Variants in COL4A2 observed in about 807,000 individuals in gnomAD.
The protein encoded by COL4A2 is collagen alpha-2(IV) chain.
Under a neutral mutation model 200.2 loss-of-function variants are expected in COL4A2, and 99 were observed. The ratio of observed to expected loss-of-function variants is 0.49; its 90% CI spans 0.42 to 0.58. The LOEUF is 0.58. Among genes scored for constraint, COL4A2 ranks in the 20% least tolerant of loss-of-function variants. The pLI is 0.00. For synonymous variants in COL4A2, 897 were observed against 900.6 expected (o/e 1.00, Z 0.07); for missense variants, 1,950 against 2,314.1 (o/e 0.84, Z 3.23).
chr13:110,466,992 C>T (rs770608161), intron 26 of COL4A2, 48 bp from the exon 27 acceptor site: 1 of 1,612,710 alleles, frequency 6.2e-7, no homozygotes, highest in East Asian at 2.2e-5. Context: ...CCGTGGGACT[C>T]AGTGTTTAGG....
chr13:110,355,948 C>T (rs555758799), intron 3 of COL4A2, among the ~76,000 whole-genome samples: 8 of 152,154 alleles, frequency 5.3e-5, no homozygotes, highest in Admixed American at 4.6e-4. Context: ...GAAGGTTGTA[C>T]TAGCTTACCT....
intron 3 of COL4A2, among the ~76,000 whole-genome samples, chr13:110,346,008 C>T (rs940532980): frequency 1.3e-5 from 2 of 152,122 alleles, no homozygotes; most frequent in Non-Finnish European, 2.9e-5. Flanking sequence ...CACCCAGCTC[C>T]GGGGCGCTGC....
chr13:110,419,340 A>G (rs1566522690), intron 4 of COL4A2, among the ~76,000 whole-genome samples: 1 of 152,228 alleles, frequency 6.6e-6, no homozygotes. Flanking sequence ...TAGTGAAGCC[A>G]GTTTTATCCT....
At chr13:110,409,289 G>C (rs148542847) in intron 4 of COL4A2, among the ~76,000 whole-genome samples, 1 of 152,290 alleles carries the variant, frequency 6.6e-6, no homozygotes, top group African/African-American at 2.4e-5. Context: ...ATATTACGAA[G>C]CTGACCACCC....
chr13:110,437,976 T>G lies in COL4A2; in HGVS notation c.826-26T>G, dbSNP rs578108242. 6.4e-5 allele frequency: 102 copies of G among 1,595,774 alleles called. 1 individual carries two copies. In the South Asian group the frequency reaches 1.1e-3, roughly 17 times the overall value. ...ATTACCATCCTCAAATTAATAAGCG[T>G]TTCTTATTTTTCATATTCTTCACAG... On this transcript the variant is annotated intron_variant, in intron 13 of 47. Transcript: ENST00000360467.
intron 4 of COL4A2, among the ~76,000 whole-genome samples, chr13:110,390,735 A>G (rs1216264929): frequency 2.0e-5 from 3 of 152,062 alleles, no homozygotes; most frequent in African/African-American, 2.4e-5. Flanking sequence ...GGAATCCTAT[A>G]TGGCAGGGCT....
chr13:110,434,378 A>G, intron 11 of COL4A2, 23 bp from the exon 12 acceptor site: 2 of 1,604,382 alleles, frequency 1.2e-6, no homozygotes, highest in African/African-American at 1.3e-5. Flanking sequence ...TTTAAAACTT[A>G]CAGAAATTAT....
At chr13:110,458,673 A>C in intron 21 of COL4A2, 98 bp from the exon 22 acceptor site, 1 of 1,457,598 alleles carries the variant, frequency 6.9e-7, no homozygotes, top group Non-Finnish European at 9.4e-7. Context: ...ATAAAGCACC[A>C]AGTGTGCCAC....
rs1648304261 is a variant in COL4A2, at chr13:110,513,178, A to T, written c.*987A>T. 1.3e-5 allele frequency among the ~76,000 whole-genome samples: 2 copies of T among 152,052 alleles called. No individual in the cohort carries two copies. Among genetic ancestry groups the T allele is most frequent in the Admixed American group, 1.3e-4 (2 of 15,264 alleles). On this transcript the variant is annotated 3_prime_UTR_variant, in exon 48 of 48. Transcript: ENST00000360467. ...TGGTATTACAGCCATTTCTCGGGGA[A>T]TGTGTTTGTTTATAACTCACTAATG...
chr13:110,488,968 G>A (rs1350517271), intron 34 of COL4A2, among the ~76,000 whole-genome samples: 3 of 152,236 alleles, frequency 2.0e-5, no homozygotes, highest in Non-Finnish European at 2.9e-5. Flanking sequence ...AGTGGCTCAC[G>A]CCTGTAATCC....
intron 10 of COL4A2, among the ~76,000 whole-genome samples, 181 bp from the exon 11 acceptor site, chr13:110,432,144 T>C (rs1050214981): frequency 1.3e-5 from 2 of 152,212 alleles, no homozygotes; most frequent in Non-Finnish European, 2.9e-5. Context: ...GAACTGGAGC[T>C]GACCCGAGTC....
chr13:110,461,193 A>G (rs7321468), intron 22 of COL4A2, among the ~76,000 whole-genome samples: 87,744 of 152,138 alleles, frequency 0.58, 26,142 homozygotes, highest in Middle Eastern at 0.73. Context: ...AGTGCAGGAA[A>G]CAAATTTCTA....
At chr13:110,311,869 C>T (rs765719457) in intron 3 of COL4A2, among the ~76,000 whole-genome samples, 9 of 152,326 alleles carry the variant, frequency 5.9e-5, no homozygotes, top group Non-Finnish European at 1.2e-4. Context: ...GCCACCCTGC[C>T]GCTTAGTTTC....
intron 3 of COL4A2, among the ~76,000 whole-genome samples, chr13:110,335,602 G>T (rs1248700307): frequency 1.3e-5 from 2 of 152,100 alleles, no homozygotes; most frequent in African/African-American, 4.8e-5. Context: ...TCAGCAGCAT[G>T]AAAATGGACT....
rs747751731 is a variant in COL4A2 at position 110,462,338 on chromosome 13, C to A, written c.1730C>A (p.Pro577Gln). The A allele has an allele frequency of 6.2e-7, 1 of 1,614,096 alleles. No homozygotes were observed. The highest frequency in any genetic ancestry group is 1.1e-5 in the South Asian group (1 of 91,080). The change falls in exon 24 of 48, where the codon CCA becomes CAA. Residue 577 changes from proline (P) to glutamine (Q), a missense_variant. Pro to Gln is a moderately conservative substitution (Grantham distance 76, BLOSUM62 -1). This residue lies in a region of COL4A2 where 1,385 missense variants were observed against 1,720.5 expected (regional missense o/e 0.80). Transcript: ENST00000360467. Reference sequence around the variant, plus strand: ...GGGATGAAAGGTGACGATGGCAGCCCAGGCCGCGATGGGCTCGATGGATTC... The same window carrying A: ...GGGATGAAAGGTGACGATGGCAGCCAAGGCCGCGATGGGCTCGATGGATTC... The part of the protein sequence containing the change: ...VPGMKGDDGS[P>Q]GRDGLDGFPG...
chr13:110,423,237 A>G (rs1185617317), intron 4 of COL4A2, among the ~76,000 whole-genome samples: 3 of 141,082 alleles, frequency 2.1e-5, no homozygotes, highest in African/African-American at 7.5e-5. Context: ...TTCCAGCCAT[A>G]GGAGAGATAG....
chr13:110,472,807 G>A (rs2139512458), intron 28 of COL4A2, 122 bp from the exon 29 acceptor site: 1 of 789,182 alleles, frequency 1.3e-6, no homozygotes, highest in East Asian at 2.7e-5. Context: ...GGCTCGAGCT[G>A]AGGAATGCCT....
chr13:110,432,425 T>G, intron 11 of COL4A2, 65 bp downstream of exon 11: 1 of 1,525,084 alleles, frequency 6.6e-7, no homozygotes, highest in Non-Finnish European at 8.8e-7. Context: ...GGTTTGTTTG[T>G]TTTTTACCAT....
At chr13:110,344,403 G>A (rs916647601) in intron 3 of COL4A2, among the ~76,000 whole-genome samples, 6 of 152,166 alleles carry the variant, frequency 3.9e-5, no homozygotes, top group Admixed American at 3.9e-4. Context: ...GTTTAAATGA[G>A]TAGCCAATGA....
Sources: gnomAD v4.1 joint callset for allele counts (sites outside exome capture counted in the v4.1 genomes callset) on GRCh38, gnomAD v4.1.1 for gene constraint, gnomAD v4.1.1 regional missense constraint, MANE v1.5 for transcripts, NCBI Gene and HGNC (gene_info 2026-07-23, HGNC 2026-07-21) for gene names.